Variants in HMCN1 observed in about 807,000 individuals in gnomAD.
HMCN1 encodes hemicentin 1.
Under a neutral mutation model 625.9 loss-of-function variants are expected in HMCN1, and 321 were observed. That is an observed-to-expected ratio of 0.51 (90% confidence interval 0.47 to 0.56). HMCN1 has a LOEUF of 0.56. Among genes scored for constraint, HMCN1 ranks in the 20% least tolerant of loss-of-function variants. The pLI, the probability that HMCN1 is intolerant of heterozygous loss-of-function variation, is 0.00. For synonymous variants in HMCN1, 2,425 were observed against 2,417.6 expected (o/e 1.00, Z -0.09); for missense variants, 6,588 against 6,887.3 (o/e 0.96, Z 1.54).
chr1:186,123,274 A>G, intron 81 of HMCN1, 54 bp downstream of exon 81: 5 of 1,574,344 alleles, frequency 3.2e-6, no homozygotes, highest in Non-Finnish European at 4.3e-6. Flanking sequence ...TGGCAAAGAG[A>G]AAAGGCTACC....
chr1:186,065,304 A>G lies in HMCN1; in HGVS notation c.7580A>G (p.His2527Arg), dbSNP rs554565669. The G allele has an allele frequency of 3.7e-6, 6 of 1,612,770 alleles. No homozygotes were observed. In the African/African-American group the frequency reaches 5.3e-5, roughly 14 times the overall value. Reference protein sequence around the residue: ...GQPLQEDEAHHIISGGRFLQI... With the variant: ...GQPLQEDEAHRIISGGRFLQI... ...CCCCTCCAAGAAGATGAAGCCCATC[A>G]CATTATATCTGGTGGCCGTTTTCTT... is the stretch of plus-strand genomic sequence containing the variant. The change falls in exon 49 of 107, where the codon CAC becomes CGC. Residue 2527 changes from histidine (H) to arginine (R), a missense_variant. Transcript: ENST00000271588.
At chr1:186,032,246 G>A (rs1289866519) in intron 36 of HMCN1, among the ~76,000 whole-genome samples, 1 of 151,916 alleles carries the variant, frequency 6.6e-6, no homozygotes, top group Non-Finnish European at 1.5e-5. Flanking sequence ...CAAAAAGTGG[G>A]CAAAGGATGT....
chr1:185,813,818 A>G (rs541146534), intron 1 of HMCN1, among the ~76,000 whole-genome samples: 1 of 152,274 alleles, frequency 6.6e-6, no homozygotes, highest in South Asian at 2.1e-4. Context: ...GCTGTATTAC[A>G]TTTGACTTAC....
chr1:185,735,392 A>T (rs945643204), intron 1 of HMCN1, among the ~76,000 whole-genome samples: 4 of 152,230 alleles, frequency 2.6e-5, no homozygotes, highest in Non-Finnish European at 5.9e-5. Flanking sequence ...TTACGAAGGC[A>T]GACTTGGACA....
chr1:185,902,991 CA>C (rs1340209507), intron 4 of HMCN1, among the ~76,000 whole-genome samples: 2 of 148,920 alleles, frequency 1.3e-5, no homozygotes, highest in Non-Finnish European at 1.5e-5. Flanking sequence ...CCCAAGCAAA[CA>C]AAAAAAAGAT....
At chr1:185,936,818 G>A (rs1220542157) in intron 11 of HMCN1, among the ~76,000 whole-genome samples, 1 of 152,210 alleles carries the variant, frequency 6.6e-6, no homozygotes, top group Non-Finnish European at 1.5e-5. Flanking sequence ...CTCCATAGAT[G>A]AGGACTGGGC....
intron 1 of HMCN1, among the ~76,000 whole-genome samples, chr1:185,843,796 T>G (rs186111612): frequency 1.6e-4 from 25 of 152,296 alleles, no homozygotes; most frequent in Middle Eastern, 3.4e-3. Flanking sequence ...GCAAAAATGT[T>G]TATTAATGAG....
chr1:186,131,090 G>A (rs1558246506), intron 85 of HMCN1, among the ~76,000 whole-genome samples: 3 of 152,058 alleles, frequency 2.0e-5, no homozygotes, highest in African/African-American at 7.2e-5. Context: ...TGGTGCTTTG[G>A]TTTATTATTC....
At position 186,070,213 on chromosome 1, in the gene HMCN1, A is replaced by G. The variant is rs546700858; in HGVS notation, c.7994-399A>G. 2.1e-3 allele frequency among the ~76,000 whole-genome samples: 323 copies of G among 152,202 alleles called. 3 individuals are homozygous for G. Among genetic ancestry groups the G allele is most frequent in the Non-Finnish European group, 3.4e-3 (229 of 68,038 alleles). On this transcript the variant is annotated intron_variant, in intron 51 of 106. Transcript: ENST00000271588. The stretch of plus-strand genomic sequence containing the variant: ...GCTAACACTGCCATTAATGGGACTC[A>G]TATTTCAGAATTTTGCTTTTGTGTT...
At chr1:186,187,802 G>C (rs1372530048) in intron 105 of HMCN1, 81 bp from the exon 106 acceptor site, 15 of 1,576,508 alleles carry the variant, frequency 9.5e-6, no homozygotes, top group Non-Finnish European at 7.8e-6. Context: ...CCACATTCTA[G>C]TCACACATCT....
At chr1:186,064,942 G>C (rs954912611) in intron 48 of HMCN1, among the ~76,000 whole-genome samples, 4 of 151,396 alleles carry the variant, frequency 2.6e-5, no homozygotes, top group African/African-American at 9.7e-5. Context: ...CTAAAAAATA[G>C]TATAAATTTA....
At chr1:185,919,800 C>T (rs370971413) in intron 6 of HMCN1, among the ~76,000 whole-genome samples, 1 of 152,286 alleles carries the variant, frequency 6.6e-6, no homozygotes, top group East Asian at 1.9e-4. Context: ...CTCTCTTATT[C>T]ATGAAGTGAA....
chr1:186,174,683 G>A (rs72707483), intron 103 of HMCN1, 41 bp downstream of exon 103: 30,197 of 1,608,456 alleles, frequency 0.019, 340 homozygotes, highest in Non-Finnish European at 0.023. Flanking sequence ...AGCTACTGAT[G>A]TAGTTACCTA....
chr1:185,794,360 T>C (rs1239881808), intron 1 of HMCN1, among the ~76,000 whole-genome samples: 1 of 151,480 alleles, frequency 6.6e-6, no homozygotes, highest in Admixed American at 6.6e-5. Flanking sequence ...TATATATATA[T>C]GTGAGTTTAT....
chr1:185,867,886 T>C (rs1157692516), intron 4 of HMCN1, among the ~76,000 whole-genome samples: 1 of 151,972 alleles, frequency 6.6e-6, no homozygotes, highest in Non-Finnish European at 1.5e-5. Flanking sequence ...CTGGCCAACA[T>C]GGTGAAAACC....
chr1:185,820,120 C>A (rs1660094800), intron 1 of HMCN1, among the ~76,000 whole-genome samples: 1 of 152,142 alleles, frequency 6.6e-6, no homozygotes, highest in Non-Finnish European at 1.5e-5. Flanking sequence ...GAACTGTCAG[C>A]AGGAGAAAGT....
At position 186,145,568 on chromosome 1, in the gene HMCN1, G is replaced by A. The variant is rs1650265050; in HGVS notation, c.14432G>A (p.Cys4811Tyr). ...SQIQRCNTDM[C>Y]PVDGSWGSWH... The stretch of plus-strand genomic sequence containing the variant: ...ATCCAGAGGTGCAACACTGACATGT[G>A]TCCTGGTGAGCCTCTTGATTTCTGG... The change falls in exon 92 of 107, where the codon TGT becomes TAT. Residue 4811 changes from cysteine (C) to tyrosine (Y), a missense_variant. This residue lies in a region of HMCN1 where 1,954 missense variants were observed against 2,013.1 expected (regional missense o/e 0.97). Transcript: ENST00000271588. The A allele has an allele frequency of 1.2e-6, 2 of 1,613,834 alleles. No homozygotes were observed. Among genetic ancestry groups the A allele is most frequent in the Non-Finnish European group, 1.7e-6 (2 of 1,179,926 alleles).
chr1:186,106,948 A>G lies in HMCN1; in HGVS notation c.10835A>G (p.Tyr3612Cys). The G allele has an allele frequency of 1.9e-6, 3 of 1,609,582 alleles. No homozygotes were observed. Among genetic ancestry groups the G allele is most frequent in the Non-Finnish European group, 2.6e-6 (3 of 1,175,816 alleles). ...CCTGCAGGAGATGATGATAAGGAAT[A>G]TCTAGTGAGAGTGCATGGTAAATTT... ...SSPAGDDDKE[Y>C]LVRVHVPPNI... Residue 3612 changes from tyrosine (Y) to cysteine (C), a missense_variant, in exon 70 of 107, where the codon TAT (tyrosine) becomes TGT (cysteine). Physicochemically the swap from Tyr to Cys is radical, Grantham distance 194. Coordinates refer to ENST00000271588, the MANE Select transcript of HMCN1 (RefSeq NM_031935.3).
intron 1 of HMCN1, among the ~76,000 whole-genome samples, chr1:185,777,598 T>C (rs150987594): frequency 0.05 from 7,632 of 152,116 alleles, 587 homozygotes; most frequent in African/African-American, 0.17. Flanking sequence ...ACTACAGGCA[T>C]GCGCCACCAC....
Sources: allele counts gnomAD v4.1 joint callset (sites outside exome capture counted in the v4.1 genomes callset), GRCh38; gene constraint gnomAD v4.1.1; regional missense constraint gnomAD v4.1.1; transcripts MANE v1.5; gene names NCBI Gene and HGNC (gene_info 2026-07-23, HGNC 2026-07-21).